Variants in UBE2V1 observed in about 807,000 individuals in gnomAD.
The protein encoded by UBE2V1 is ubiquitin-conjugating enzyme E2 variant 1.
Under a neutral mutation model 19.6 loss-of-function variants are expected in UBE2V1, and 15 were observed. That is an observed-to-expected ratio of 0.77 (90% CI 0.51 to 1.18). The LOEUF (loss-of-function observed/expected upper bound fraction) is 1.18, where lower values mean the gene tolerates loss of function less well. UBE2V1 is among the 50% of genes most tolerant of loss of function. The pLI is 0.00. For synonymous variants in UBE2V1, 60 were observed against 60.7 expected (o/e 0.99, Z 0.05); for missense variants, 125 against 184.8 (o/e 0.68, Z 1.88).
chr20:50,088,100 T>TAAAAAAAA (rs11302479), intron 2 of UBE2V1, among the ~76,000 whole-genome samples: 2 of 109,158 alleles, frequency 1.8e-5, no homozygotes, highest in Non-Finnish European at 3.7e-5. Context: ...GTCTAATCAT[T>TAAAAAAAA]AAAAAAAAAA....
At chr20:50,087,364 C>A (rs2078979887) in intron 2 of UBE2V1, among the ~76,000 whole-genome samples, 1 of 149,834 alleles carries the variant, frequency 6.7e-6, no homozygotes, top group South Asian at 2.1e-4. Context: ...CCACTCCACT[C>A]CAGCCTGGGT....
chr20:50,102,335 G>T (rs779050841), intron 1 of UBE2V1, among the ~76,000 whole-genome samples: 2 of 152,034 alleles, frequency 1.3e-5, no homozygotes, highest in African/African-American at 4.8e-5. Context: ...TTTTTAAATC[G>T]AGTAAAAAAG....
At chr20:50,096,506 C>T (rs757943248) in intron 2 of UBE2V1, 166 bp downstream of exon 2, 1 of 1,528,366 alleles carries the variant, frequency 6.5e-7, no homozygotes, top group Admixed American at 2.0e-5. Context: ...TAAACAGCAT[C>T]AGAGGAGGTT....
At chr20:50,111,196 T>C (rs1460087940) in intron 1 of UBE2V1, 1 of 962,572 alleles carries the variant, frequency 1.0e-6, no homozygotes, top group Non-Finnish European at 1.2e-6. Flanking sequence ...AAGCCTGTCC[T>C]ATGTTATCTA....
At chr20:50,103,804 C>G (rs567788663) in intron 1 of UBE2V1, among the ~76,000 whole-genome samples, 164 of 152,226 alleles carry the variant, frequency 1.1e-3, no homozygotes, top group African/African-American at 3.7e-3. Flanking sequence ...AACACCTTTA[C>G]TTCCACACAG....
intron 1 of UBE2V1, chr20:50,098,792 G>C: frequency 2.4e-6 from 1 of 414,440 alleles, no homozygotes; most frequent in East Asian, 1.6e-4. Context: ...TAAAATAAAT[G>C]TAAGCAAAAG....
upstream of UBE2V1, chr20:50,115,591 TGAG>T (rs1325914526): frequency 6.6e-7 from 1 of 1,517,982 alleles, no homozygotes; most frequent in Admixed American, 2.0e-5. Flanking sequence ...TCCCCTTCTA[TGAG>T]GATAGTAGTA....
chr20:50,092,377 C>A (rs1479782514), intron 2 of UBE2V1, among the ~76,000 whole-genome samples: 3 of 152,000 alleles, frequency 2.0e-5, no homozygotes, highest in Admixed American at 6.6e-5. Flanking sequence ...CAGTGCTCCT[C>A]GATGAGGGCC....
chr20:50,093,882 G>A (rs1243551115), intron 2 of UBE2V1, among the ~76,000 whole-genome samples: 3 of 149,172 alleles, frequency 2.0e-5, no homozygotes, highest in Non-Finnish European at 4.5e-5. Context: ...CCAGCTACTC[G>A]GGAGGCTGAG....
intron 3 of UBE2V1, 86 bp from the exon 4 acceptor site, chr20:50,083,000 G>A: frequency 6.4e-7 from 1 of 1,558,430 alleles, no homozygotes; most frequent in African/African-American, 1.4e-5. Context: ...GTGCAAACTG[G>A]AGTAAGATGT....
At chr20:50,112,796 C>T (rs1278645069) in intron 1 of UBE2V1, among the ~76,000 whole-genome samples, 1 of 152,212 alleles carries the variant, frequency 6.6e-6, no homozygotes, top group African/African-American at 2.4e-5. Context: ...GCCCCGGTAT[C>T]CTCAGGAGTG....
At chr20:50,113,155 G>A (rs1289551591), upstream of UBE2V1, 5 of 1,325,906 alleles carry the variant, frequency 3.8e-6, no homozygotes, top group Admixed American at 6.4e-5. Flanking sequence ...TTGAAGGCCG[G>A]CCCCTTCTTC....
At chr20:50,097,844 T>C (rs891054488) in intron 1 of UBE2V1, among the ~76,000 whole-genome samples, 1 of 152,114 alleles carries the variant, frequency 6.6e-6, no homozygotes, top group African/African-American at 2.4e-5. Context: ...GGACCCCAGA[T>C]TGTGGGAGGT....
intron 2 of UBE2V1, among the ~76,000 whole-genome samples, chr20:50,089,074 GAATTT>G (rs2079080526): frequency 6.6e-6 from 1 of 152,140 alleles, no homozygotes; most frequent in African/African-American, 2.4e-5. Context: ...TTTTATAACA[GAATTT>G]AATATAAGAC....
intron 1 of UBE2V1, among the ~76,000 whole-genome samples, chr20:50,108,403 C>T: frequency 6.6e-6 from 1 of 152,186 alleles, no homozygotes; most frequent in Non-Finnish European, 1.5e-5. Context: ...GCAGAAATAA[C>T]AGACATGCCA....
intron 1 of UBE2V1, among the ~76,000 whole-genome samples, chr20:50,112,754 G>A (rs1479851564): frequency 6.6e-6 from 1 of 152,284 alleles, no homozygotes; most frequent in East Asian, 1.9e-4. Context: ...CCTCCTCTAG[G>A]GGACCTCTAG....
At chr20:50,112,993 GCAGA>G (rs1166538274) in intron 1 of UBE2V1, 110 bp downstream of exon 1, 11 of 448,946 alleles carry the variant, frequency 2.5e-5, no homozygotes, top group Middle Eastern at 6.0e-4. Flanking sequence ...GCGGAGCCCA[GCAGA>G]CAGAGGCGGC....
Position 50,103,728 on chromosome 20 carries a change from T to C in UBE2V1, c.23-6908A>G, listed in dbSNP as rs1046398751. 1.1e-4 allele frequency among the ~76,000 whole-genome samples: 16 copies of C among 152,106 alleles called. 1 individual carries two copies. Among genetic ancestry groups the C allele is most frequent in the Middle Eastern group, 6.3e-3 (2 of 316 alleles). ...GCCTGACTATAATAATTTTAAAAGC[T>C]ATAAAGCTTAATTAGAAGCCAGGCA... is the stretch of plus-strand genomic sequence containing the variant. On this transcript the variant is annotated intron_variant, in intron 1 of 3. Transcript: ENST00000371674.
At chr20:50,113,255 C>A (rs988252578), upstream of UBE2V1, 2 of 697,918 alleles carry the variant, frequency 2.9e-6, no homozygotes, top group Non-Finnish European at 4.1e-6. Context: ...GAGACCTGCA[C>A]GACCCGTGGC....
Sources: gnomAD v4.1 joint callset for allele counts (sites outside exome capture counted in the v4.1 genomes callset) on GRCh38, gnomAD v4.1.1 for gene constraint, MANE v1.5 for transcripts, NCBI Gene and HGNC (gene_info 2026-07-23, HGNC 2026-07-21) for gene names.